ADAMTS17: variants seen among roughly 807,000 people sequenced by gnomAD.
The protein encoded by ADAMTS17 is A disintegrin and metalloproteinase with thrombospondin motifs 17.
In ADAMTS17, 113 loss-of-function variants were observed where a neutral mutation model predicts 141.5. The observed-to-expected ratio is 0.80, with a 90% CI of 0.69 to 0.93. ADAMTS17 has a LOEUF of 0.93. ADAMTS17 is among the 40% of genes least tolerant of loss of function. The probability of loss-of-function intolerance (pLI) is 0.00; values close to 1 mark genes in which losing one functional copy is unlikely to be tolerated. For missense variants in ADAMTS17, 1,659 were observed against 1,517.9 expected, an observed-to-expected ratio of 1.09 and a Z score of -1.54; for synonymous variants, 768 against 630.6, an observed-to-expected ratio of 1.22 and a Z score of -3.27.
At chr15:100,037,987 G>C (rs999337496) in intron 18 of ADAMTS17, among the ~76,000 whole-genome samples, 2 of 152,016 alleles carry the variant, frequency 1.3e-5, no homozygotes, top group African/African-American at 4.8e-5. Flanking sequence ...TGTTGCCCAG[G>C]CTGGTCTTGA....
At chr15:100,210,071 A>G (rs1279512024) in intron 7 of ADAMTS17, among the ~76,000 whole-genome samples, 1 of 151,918 alleles carries the variant, frequency 6.6e-6, no homozygotes, top group Non-Finnish European at 1.5e-5. Context: ...CGTCTCTACT[A>G]AAAGTACAAA....
At chr15:100,014,390 G>C (rs1941076305) in intron 18 of ADAMTS17, among the ~76,000 whole-genome samples, 1 of 151,828 alleles carries the variant, frequency 6.6e-6, no homozygotes, top group South Asian at 2.1e-4. Flanking sequence ...TCTGATCTTG[G>C]TTATTTCCTT....
chr15:100,010,225 C>T lies in ADAMTS17; in HGVS notation c.2592-12636G>A, dbSNP rs576407421. Among the ~76,000 whole-genome samples, 8 of 152,304 alleles carry T rather than the reference C, an allele frequency of 5.3e-5. 1 individual carries two copies. The South Asian group carries it at 1.2e-3, about 24-fold the overall frequency. The stretch of plus-strand genomic sequence containing the variant: ...CTTTCCTTTATAAATTGCCCACTCT[C>T]GGGTATGTCTTTATTAGCAGCATGA... On this transcript the variant is annotated intron_variant, in intron 18 of 21. Transcript: ENST00000268070.
intron 7 of ADAMTS17, among the ~76,000 whole-genome samples, chr15:100,229,994 C>G (rs2042426955): frequency 6.6e-6 from 1 of 152,216 alleles, no homozygotes; most frequent in Non-Finnish European, 1.5e-5. Flanking sequence ...ACCCACAGCA[C>G]ATCAACTAGC....
chr15:100,248,969 T>G (rs1021048035), intron 7 of ADAMTS17, among the ~76,000 whole-genome samples: 9 of 151,932 alleles, frequency 5.9e-5, no homozygotes, highest in Non-Finnish European at 1.2e-4. Context: ...TGGCTAATTT[T>G]TGTATTTTTA....
At chr15:100,190,496 G>C (rs2040876336) in intron 8 of ADAMTS17, among the ~76,000 whole-genome samples, 1 of 151,218 alleles carries the variant, frequency 6.6e-6, no homozygotes, top group Non-Finnish European at 1.5e-5. Flanking sequence ...GCCACAGGTT[G>C]GGTTTTCCAG....
chr15:100,127,724 G>A (rs1471113802), intron 12 of ADAMTS17, among the ~76,000 whole-genome samples: 1 of 152,092 alleles, frequency 6.6e-6, no homozygotes, highest in Non-Finnish European at 1.5e-5. Flanking sequence ...TGGGATTACA[G>A]GCATGTGCCA....
At chr15:100,332,912 T>C (rs1452281140) in intron 2 of ADAMTS17, among the ~76,000 whole-genome samples, 4 of 152,160 alleles carry the variant, frequency 2.6e-5, no homozygotes. Flanking sequence ...AAGGAGGGGT[T>C]GTACAGGGCC....
chr15:99,989,653 T>C (rs1165410643), intron 20 of ADAMTS17, among the ~76,000 whole-genome samples: 2 of 152,190 alleles, frequency 1.3e-5, no homozygotes, highest in African/African-American at 4.8e-5. Context: ...CCTACAGTCT[T>C]TGGGCTAGGA....
In ADAMTS17 at chr15:100,002,296, G is replaced by A. The variant is rs191231332; in HGVS notation, c.2592-4707C>T. Among the ~76,000 whole-genome samples the A allele has an allele frequency of 3.1e-3, 473 of 152,092 alleles. 6 individuals carry two copies. Among genetic ancestry groups the A allele is most frequent in the Non-Finnish European group, 1.7e-3 (118 of 68,012 alleles). ...ACCCCAGCTGTGAAAACGGCTTTGA[G>A]TCTGCTCCCGCCTTTGCTTGTGCTG... On this transcript the variant is annotated intron_variant, in intron 18 of 21. Coordinates refer to ENST00000268070, the MANE Select transcript of ADAMTS17 (RefSeq NM_139057.4).
At chr15:100,241,127 C>A (rs991098581) in intron 7 of ADAMTS17, among the ~76,000 whole-genome samples, 4 of 151,268 alleles carry the variant, frequency 2.6e-5, no homozygotes, top group Non-Finnish European at 5.9e-5. Flanking sequence ...CCTGGCCTAT[C>A]TGGCTTTTTT....
chr15:100,090,453 A>G (rs2035386197), intron 15 of ADAMTS17, among the ~76,000 whole-genome samples: 1 of 152,182 alleles, frequency 6.6e-6, no homozygotes, highest in Non-Finnish European at 1.5e-5. Context: ...CCTTTCCCTC[A>G]TTCCACAGCA....
intron 7 of ADAMTS17, among the ~76,000 whole-genome samples, chr15:100,206,645 G>C (rs1045703476): frequency 6.6e-6 from 1 of 152,206 alleles, no homozygotes; most frequent in African/African-American, 2.4e-5. Context: ...AGGTGGGGGT[G>C]AGGCTGAGAA....
chr15:100,014,908 T>C (rs1208857436), intron 18 of ADAMTS17, among the ~76,000 whole-genome samples: 1 of 152,230 alleles, frequency 6.6e-6, no homozygotes, highest in Non-Finnish European at 1.5e-5. Context: ...AAATCTATTA[T>C]TTCTTTGTTG....
chr15:100,002,128 T>C (rs930015968), intron 18 of ADAMTS17, among the ~76,000 whole-genome samples: 10 of 151,716 alleles, frequency 6.6e-5, no homozygotes, highest in Non-Finnish European at 2.9e-5. Flanking sequence ...AGATTAAACA[T>C]ATTAACTTCC....
chr15:99,990,516 CAGGGAGTAAAT>C (rs1259366094), intron 20 of ADAMTS17, among the ~76,000 whole-genome samples: 1 of 152,114 alleles, frequency 6.6e-6, no homozygotes, highest in Non-Finnish European at 1.5e-5. Context: ...ATGTTTTGAC[CAGGGAGTAAAT>C]AGGAAGGAGG....
At chr15:100,139,146 A>T (rs2038494257) in intron 10 of ADAMTS17, among the ~76,000 whole-genome samples, 1 of 152,172 alleles carries the variant, frequency 6.6e-6, no homozygotes, top group Admixed American at 6.5e-5. Context: ...AACTAGATGA[A>T]CCTTTTGTTA....
At chr15:100,252,114 G>A (rs1049675257) in intron 7 of ADAMTS17, among the ~76,000 whole-genome samples, 12 of 152,196 alleles carry the variant, frequency 7.9e-5, no homozygotes, top group African/African-American at 2.9e-4. Flanking sequence ...CTCTTCACCA[G>A]GGGCCTGAAC....
At chr15:100,154,844 G>A (rs983255340) in intron 9 of ADAMTS17, among the ~76,000 whole-genome samples, 25 of 151,930 alleles carry the variant, frequency 1.6e-4, no homozygotes, top group African/African-American at 5.3e-4. Flanking sequence ...GCTCCATTCC[G>A]CAGCGGCCCA....
Sources: gnomAD v4.1 joint callset for allele counts (sites outside exome capture counted in the v4.1 genomes callset) on GRCh38, gnomAD v4.1.1 for gene constraint, MANE v1.5 for transcripts, NCBI Gene and HGNC (gene_info 2026-07-23, HGNC 2026-07-21) for gene names.